SLCO2B1: variants seen among roughly 807,000 people sequenced by gnomAD.
SLCO2B1 encodes OATP-RP2.
SLCO2B1 carries 41 observed loss-of-function variants against 67.3 expected under a neutral mutation model. The ratio of observed to expected loss-of-function variants is 0.61; its 90% CI spans 0.47 to 0.79. SLCO2B1 has a LOEUF of 0.79. Ranked by LOEUF, SLCO2B1 falls within the 30% of genes least tolerant of loss-of-function variation. SLCO2B1 has a pLI of 0.00. For missense variants in SLCO2B1, 837 were observed against 920.1 expected (o/e 0.91, Z 1.17); for synonymous variants, 379 against 381.4 (o/e 0.99, Z 0.07).
chr11:75,194,832 A>C (rs1945077812), intron 9 of SLCO2B1, among the ~76,000 whole-genome samples: 1 of 152,124 alleles, frequency 6.6e-6, no homozygotes, highest in African/African-American at 2.4e-5. Flanking sequence ...TCTCCCTTTC[A>C]CACCTTAGCT....
intron 10 of SLCO2B1, among the ~76,000 whole-genome samples, chr11:75,198,469 T>A (rs1344574679): frequency 6.6e-6 from 1 of 152,220 alleles, no homozygotes; most frequent in Non-Finnish European, 1.5e-5. Context: ...TTTTAAATAC[T>A]CAGTAATACA....
At chr11:75,200,515 C>A in intron 11 of SLCO2B1, 128 bp downstream of exon 11, 1 of 898,342 alleles carries the variant, frequency 1.1e-6, no homozygotes, top group Non-Finnish European at 1.6e-6. Flanking sequence ...CACAATATGG[C>A]CTTAACTGTG....
chr11:75,166,825 G>A (rs1949898622), intron 4 of SLCO2B1, among the ~76,000 whole-genome samples: 1 of 152,112 alleles, frequency 6.6e-6, no homozygotes, highest in Non-Finnish European at 1.5e-5. Flanking sequence ...GGGGTGGGAG[G>A]AGCCCACACC....
At chr11:75,159,030 C>T (rs915747760) in intron 1 of SLCO2B1, among the ~76,000 whole-genome samples, 2 of 152,220 alleles carry the variant, frequency 1.3e-5, no homozygotes, top group African/African-American at 4.8e-5. Flanking sequence ...TCTGACTGAC[C>T]AGATACCTGG....
rs754645355 is a variant in SLCO2B1, at chr11:75,194,785, A to ATTTTTTT, written c.1433+1210_1433+1211insTTTTTTT. Among the ~76,000 whole-genome samples, 148 of 152,302 alleles carry ATTTTTTT rather than the reference A, an allele frequency of 9.7e-4. 3 individuals are homozygous for ATTTTTTT. In the South Asian group the frequency reaches 0.022, roughly 23 times the overall value. Reference sequence around the variant, plus strand: ...CACAATTTTTTAAATAGTGCAGAAAAAGTCAGCTCATCTCACACACCCCAT... The same window carrying ATTTTTTT: ...CACAATTTTTTAAATAGTGCAGAAAATTTTTTTAGTCAGCTCATCTCACACACCCCAT... On this transcript the variant is annotated intron_variant, in intron 9 of 13. Coordinates refer to ENST00000289575, the MANE Select transcript of SLCO2B1 (RefSeq NM_007256.5).
chr11:75,187,023 A>G (rs778002816), intron 7 of SLCO2B1, among the ~76,000 whole-genome samples: 1 of 152,164 alleles, frequency 6.6e-6, no homozygotes, highest in Non-Finnish European at 1.5e-5. Context: ...TCTGTGTCTC[A>G]GTTTTATCAC....
At position 75,202,633 on chromosome 11, in the gene SLCO2B1, AGTGATGTCT is replaced by A. The variant is rs1945199300; in HGVS notation, c.1764-263_1764-255del. ...TGGGACCAGTGGGTGGAGGAAGAGG[AGTGATGTCT>A]GTGACCAGAAACATACAGAGGTCAG... On this transcript the variant is annotated intron_variant, in intron 11 of 13. Transcript: ENST00000289575. 7.3e-5 allele frequency: 36 copies of A among 492,982 alleles called. No individual in the cohort carries two copies. In the South Asian group the frequency reaches 1.0e-3, roughly 14 times the overall value. 30.5% of individuals were successfully genotyped at this position (492,982 alleles called of 1,614,324 possible).
intron 6 of SLCO2B1, among the ~76,000 whole-genome samples, chr11:75,171,530 T>C (rs1337160446): frequency 6.6e-6 from 1 of 152,210 alleles, no homozygotes; most frequent in Non-Finnish European, 1.5e-5. Flanking sequence ...AGTGCTGGGA[T>C]TACAGGCTTG....
intron 11 of SLCO2B1, 103 bp downstream of exon 11, chr11:75,200,490 G>T: frequency 1.7e-6 from 2 of 1,204,828 alleles, no homozygotes; most frequent in South Asian, 1.6e-5. Flanking sequence ...GAGGCCACTT[G>T]GGTGTCCTGG....
intron 8 of SLCO2B1, among the ~76,000 whole-genome samples, chr11:75,192,840 G>T (rs749476410): frequency 6.6e-6 from 1 of 152,118 alleles, no homozygotes; most frequent in Admixed American, 6.5e-5. Context: ...GGGGCCTAGG[G>T]TTCGAGAGCA....
At chr11:75,162,820 T>C in intron 2 of SLCO2B1, 35 bp downstream of exon 2, 1 of 1,600,640 alleles carries the variant, frequency 6.2e-7, no homozygotes, top group African/African-American at 1.3e-5. Context: ...CCTCCGAGTC[T>C]AGAAGAGCAG....
chr11:75,158,786 G>A (rs550325574), intron 1 of SLCO2B1, among the ~76,000 whole-genome samples: 2 of 152,312 alleles, frequency 1.3e-5, no homozygotes, highest in African/African-American at 4.8e-5. Flanking sequence ...TCCAACCCAG[G>A]TCTGAGGCCT....
chr11:75,163,597 G>A (rs981812026), intron 2 of SLCO2B1, among the ~76,000 whole-genome samples: 1 of 152,080 alleles, frequency 6.6e-6, no homozygotes, highest in African/African-American at 2.4e-5. Context: ...TCCTGGCCAT[G>A]GGAAGACCCT....
chr11:75,193,995 G>A lies in SLCO2B1; in HGVS notation c.1433+420G>A, dbSNP rs757345530. ...GAAGCATGCTCTCCATCCTGGGGACGAGAGGGGATGAGAGGGTGAGCAAGG... is the reference window on the plus strand; with the variant it reads ...GAAGCATGCTCTCCATCCTGGGGACAAGAGGGGATGAGAGGGTGAGCAAGG... On this transcript the variant is annotated intron_variant, in intron 9 of 13. Coordinates refer to ENST00000289575, the MANE Select transcript of SLCO2B1 (RefSeq NM_007256.5). The surrounding 1 kb of genome is among the most constrained non-coding windows in gnomAD (Gnocchi z 4.2). Among the ~76,000 whole-genome samples the A allele has an allele frequency of 1.3e-5, 2 of 152,182 alleles. No individual in the cohort carries two copies. Among genetic ancestry groups the A allele is most frequent in the South Asian group, 2.1e-4 (1 of 4,836 alleles).
chr11:75,200,599 G>C, intron 11 of SLCO2B1: 1 of 495,506 alleles, frequency 2.0e-6, no homozygotes, highest in South Asian at 3.6e-5. Context: ...GCTCAGAGAA[G>C]TTCAGGAGCT....
rs1472664411 is a variant in SLCO2B1, at chr11:75,206,309, C to A, written c.*1729C>A. ...CATAAACTGCATTAGAGGTTTGCAA[C>A]AACCACATCATTTCCATTAACTTAG... On this transcript the variant is annotated 3_prime_UTR_variant, in exon 14 of 14. Transcript: ENST00000289575. 3 of 152,220 alleles carry A rather than the reference C, an allele frequency of 2.0e-5. No homozygotes were observed. The East Asian group carries it at 5.8e-4, about 29-fold the overall frequency. 9.4% of individuals were successfully genotyped at this position (152,220 alleles called of 1,614,324 possible).
intron 10 of SLCO2B1, among the ~76,000 whole-genome samples, chr11:75,198,235 G>A (rs1284870172): frequency 1.3e-5 from 2 of 152,182 alleles, no homozygotes; most frequent in South Asian, 2.1e-4. Context: ...TATGGGAACC[G>A]ATTCAAATCC....
Position 75,151,261 on chromosome 11 carries a change from C to T in SLCO2B1, c.-121C>T. The T allele has an allele frequency of 1.2e-6, 1 of 832,750 alleles. No homozygotes were observed. Among genetic ancestry groups the T allele is most frequent in the Non-Finnish European group, 2.0e-6 (1 of 508,296 alleles). 51.6% of individuals were successfully genotyped at this position (832,750 alleles called of 1,614,324 possible). On this transcript the variant is annotated 5_prime_UTR_variant, in exon 1 of 14. Coordinates refer to ENST00000289575, the MANE Select transcript of SLCO2B1 (RefSeq NM_007256.5). ...TGGAGCTCCCACCGTTATTGCATCCCTGCTGTGGCTCACCTGCTGCTGTCT... is the reference window on the plus strand; with the variant it reads ...TGGAGCTCCCACCGTTATTGCATCCTTGCTGTGGCTCACCTGCTGCTGTCT...
intron 13 of SLCO2B1, chr11:75,203,833 C>G: frequency 5.4e-6 from 1 of 184,406 alleles, no homozygotes; most frequent in Non-Finnish European, 1.1e-5. Flanking sequence ...TGGGACTTAT[C>G]TTGTCTGGGG....
Sources: gnomAD v4.1 joint callset for allele counts (sites outside exome capture counted in the v4.1 genomes callset) on GRCh38, gnomAD v4.1.1 for gene constraint, Gnocchi (gnomAD v3.1) non-coding constraint, MANE v1.5 for transcripts, NCBI Gene and HGNC (gene_info 2026-07-23, HGNC 2026-07-21) for gene names.